The following SLIT3 variants were observed in gnomAD, a reference collection of about 807,000 sequenced individuals.
SLIT3 encodes the protein slit homolog 3 protein.
Under a neutral mutation model 184.0 loss-of-function variants are expected in SLIT3, and 68 were observed. The ratio of observed to expected loss-of-function variants is 0.37; its 90% CI spans 0.30 to 0.45. The LOEUF (loss-of-function observed/expected upper bound fraction) is 0.45, where lower values mean the gene tolerates loss of function less well. SLIT3 is among the 20% of genes least tolerant of loss of function. The pLI, the probability that SLIT3 is intolerant of heterozygous loss-of-function variation, is 1.00. For synonymous variants in SLIT3, 831 were observed against 828.6 expected (o/e 1.00, Z -0.05); for missense variants, 1,707 against 2,026.0 (o/e 0.84, Z 3.02).
intron 4 of SLIT3, among the ~76,000 whole-genome samples, chr5:169,182,847 C>T (rs866279876): frequency 6.6e-5 from 10 of 152,168 alleles, no homozygotes; most frequent in Non-Finnish European, 1.0e-4. Context: ...AGGCTGGCTT[C>T]TGGTTCTCGT....
At chr5:169,045,371 A>G (rs1757591089) in intron 4 of SLIT3, among the ~76,000 whole-genome samples, 1 of 152,036 alleles carries the variant, frequency 6.6e-6, no homozygotes, top group Admixed American at 6.6e-5. Flanking sequence ...ACAGACAGCA[A>G]AAAAGAACTT....
intron 14 of SLIT3, among the ~76,000 whole-genome samples, chr5:168,768,468 A>G (rs554605825): frequency 1.6e-4 from 24 of 152,282 alleles, no homozygotes; most frequent in African/African-American, 5.8e-4. Context: ...GAGGGAAATC[A>G]CTGGATGCCC....
intron 23 of SLIT3, among the ~76,000 whole-genome samples, chr5:168,721,187 A>G (rs1377374538): frequency 6.6e-6 from 1 of 152,200 alleles, no homozygotes; most frequent in Non-Finnish European, 1.5e-5. Context: ...CTCTGTTTTC[A>G]TGAATAGCAT....
At chr5:169,231,478 G>T (rs754109175) in intron 3 of SLIT3, among the ~76,000 whole-genome samples, 5 of 152,090 alleles carry the variant, frequency 3.3e-5, no homozygotes, top group African/African-American at 1.2e-4. Flanking sequence ...TTTTATGTCC[G>T]GTTTTTGTCC....
At chr5:168,910,361 C>T (rs377381392) in intron 4 of SLIT3, among the ~76,000 whole-genome samples, 1 of 152,202 alleles carries the variant, frequency 6.6e-6, no homozygotes, top group Non-Finnish European at 1.5e-5. Flanking sequence ...CACATACATA[C>T]AAATTTACAT....
chr5:168,762,719 G>A (rs41283179), intron 14 of SLIT3, 30 bp from the exon 15 acceptor site: 32,113 of 1,606,608 alleles, frequency 0.02, 424 homozygotes, highest in Non-Finnish European at 0.024. Flanking sequence ...GGACGTCAGC[G>A]TCACCCGAGT....
intron 9 of SLIT3, among the ~76,000 whole-genome samples, chr5:168,801,835 A>G (rs574583222): frequency 3.9e-5 from 6 of 152,284 alleles, no homozygotes; most frequent in African/African-American, 9.6e-5. Flanking sequence ...GAAGAAAACT[A>G]TTTTTAGAGG....
intron 4 of SLIT3, among the ~76,000 whole-genome samples, chr5:169,163,368 A>G (rs1762538214): frequency 1.3e-5 from 2 of 152,298 alleles, no homozygotes; most frequent in South Asian, 2.1e-4. Context: ...TCTGATTTAC[A>G]TGACTTTCAC....
At chr5:168,872,077 T>C (rs1270478886) in intron 5 of SLIT3, among the ~76,000 whole-genome samples, 1 of 152,232 alleles carries the variant, frequency 6.6e-6, no homozygotes, top group Non-Finnish European at 1.5e-5. Flanking sequence ...GCTGTCCTGC[T>C]GACCTGCTCT....
intron 4 of SLIT3, among the ~76,000 whole-genome samples, chr5:169,129,505 T>C (rs891734674): frequency 6.6e-6 from 1 of 151,992 alleles, no homozygotes; most frequent in Non-Finnish European, 1.5e-5. Context: ...TGAGACGAGA[T>C]TGCGCCATTG....
chr5:169,179,276 CTTTTTTTTTTT>C (rs370270230), intron 4 of SLIT3, among the ~76,000 whole-genome samples: 1 of 125,048 alleles, frequency 8.0e-6, no homozygotes, highest in African/African-American at 2.9e-5. Context: ...ATTCCTTTTT[CTTTTTTTTTTT>C]TTTTTTTTCC....
chr5:168,824,395 T>C (rs1757634961), intron 6 of SLIT3, among the ~76,000 whole-genome samples: 1 of 152,164 alleles, frequency 6.6e-6, no homozygotes, highest in African/African-American at 2.4e-5. Context: ...GCTCCATAAA[T>C]GAACCAGACT....
chr5:168,986,434 A>AT (rs1327349863), intron 4 of SLIT3, among the ~76,000 whole-genome samples: 58 of 152,116 alleles, frequency 3.8e-4, no homozygotes, highest in Non-Finnish European at 6.9e-4. Context: ...GGGTACCATG[A>AT]TGCTTTTCAG....
At chr5:169,042,071 C>T (rs1046129251) in intron 4 of SLIT3, among the ~76,000 whole-genome samples, 1 of 152,152 alleles carries the variant, frequency 6.6e-6, no homozygotes, top group Non-Finnish European at 1.5e-5. Flanking sequence ...TAGTGCTGTA[C>T]ACAGGGCATA....
chr5:168,940,131 T>C (rs1686731215), intron 4 of SLIT3, among the ~76,000 whole-genome samples: 1 of 152,186 alleles, frequency 6.6e-6, no homozygotes, highest in African/African-American at 2.4e-5. Flanking sequence ...GGGTGATAAA[T>C]GCTAACAGAG....
intron 3 of SLIT3, among the ~76,000 whole-genome samples, chr5:169,202,669 C>A (rs970114455): frequency 6.6e-6 from 1 of 151,618 alleles, no homozygotes; most frequent in Non-Finnish European, 1.5e-5. Context: ...CTATGAGAGT[C>A]TCAGGAAATC....
intron 6 of SLIT3, among the ~76,000 whole-genome samples, chr5:168,824,797 C>T (rs1168682853): frequency 1.3e-5 from 2 of 152,230 alleles, no homozygotes; most frequent in African/African-American, 4.8e-5. Context: ...CTCTTACCCT[C>T]TCCTGAGCCT....
At chr5:168,897,858 G>A (rs908236724) in intron 4 of SLIT3, among the ~76,000 whole-genome samples, 1 of 152,018 alleles carries the variant, frequency 6.6e-6, no homozygotes, top group East Asian at 1.9e-4. Flanking sequence ...ACCGAGCTCA[G>A]GTCTCTGTGC....
At chr5:168,763,319 G>A (rs995490386) in intron 14 of SLIT3, among the ~76,000 whole-genome samples, 3 of 152,064 alleles carry the variant, frequency 2.0e-5, no homozygotes, top group Non-Finnish European at 2.9e-5. Context: ...GGGAATTGGA[G>A]CCCCAGCCTT....
Sources: gnomAD v4.1 joint callset for allele counts (sites outside exome capture counted in the v4.1 genomes callset) on GRCh38, gnomAD v4.1.1 for gene constraint, MANE v1.5 for transcripts, NCBI Gene and HGNC (gene_info 2026-07-23, HGNC 2026-07-21) for gene names.